TMOD2: variants seen among roughly 807,000 people sequenced by gnomAD.
The protein encoded by TMOD2 is tropomodulin-2.
In TMOD2, 22 loss-of-function variants were observed where a neutral mutation model predicts 39.9. The ratio of observed to expected loss-of-function variants is 0.55; its 90% CI spans 0.39 to 0.79. The LOEUF (loss-of-function observed/expected upper bound fraction) is 0.79, where lower values mean the gene tolerates loss of function less well. Among genes scored for constraint, TMOD2 ranks in the 30% least tolerant of loss-of-function variants. The pLI, the probability that TMOD2 is intolerant of heterozygous loss-of-function variation, is 0.00. For synonymous variants in TMOD2, 123 were observed against 146.1 expected, an observed-to-expected ratio of 0.84 and a Z score of 1.14; for missense variants, 386 against 413.3, an observed-to-expected ratio of 0.93 and a Z score of 0.57.
intron 3 of TMOD2, 50 bp from the exon 4 acceptor site, chr15:51,773,662 A>G (rs777456592): frequency 1.3e-6 from 2 of 1,548,840 alleles, no homozygotes; most frequent in Middle Eastern, 1.8e-4. Flanking sequence ...TACTTACCCT[A>G]CCAATAAGGC....
Position 51,776,879 on chromosome 15 carries a change from G to A in TMOD2, c.407-53G>A, listed in dbSNP as rs1477204556. The A allele has an allele frequency of 3.6e-6, 5 of 1,394,670 alleles. No homozygotes were observed. The East Asian group carries it at 1.1e-4, about 32-fold the overall frequency. 86.4% of individuals were successfully genotyped at this position (1,394,670 alleles called of 1,614,324 possible). On this transcript the variant is annotated intron_variant, in intron 4 of 9. Coordinates refer to ENST00000249700, the MANE Select transcript of TMOD2 (RefSeq NM_014548.4). Reference sequence around the variant, plus strand: ...CTTCAAGGGACAAATTAACAATGTGGACATCCTAATGTGCTTCTCCAAACT... The same window carrying A: ...CTTCAAGGGACAAATTAACAATGTGAACATCCTAATGTGCTTCTCCAAACT...
chr15:51,804,559 T>TGTTAG (rs1391812181), intron 8 of TMOD2, among the ~76,000 whole-genome samples: 11 of 149,404 alleles, frequency 7.4e-5, no homozygotes, highest in Admixed American at 6.0e-4. Flanking sequence ...CTGTACGTTT[T>TGTTAG]GTTTTGTTTT....
intron 6 of TMOD2, among the ~76,000 whole-genome samples, chr15:51,782,352 A>G (rs1289049345): frequency 6.6e-6 from 1 of 152,252 alleles, no homozygotes; most frequent in Non-Finnish European, 1.5e-5. Context: ...GGGAAAGCAT[A>G]TATAAAGGTC....
At chr15:51,781,015 A>AT (rs767494882) in intron 5 of TMOD2, 29 bp from the exon 6 acceptor site, 5 of 1,565,516 alleles carry the variant, frequency 3.2e-6, no homozygotes, top group Non-Finnish European at 4.3e-6. Context: ...GAGACTTTGC[A>AT]TTTTTTAAAA....
At position 51,781,066 on chromosome 15, in the gene TMOD2, A is replaced by G; in HGVS notation, c.516A>G (p.Val172=). The change falls in exon 6 of 10, where the codon GTA becomes GTG. Residue 172 remains valine, a synonymous_variant. Transcript: ENST00000249700. ...TAGATGTTGTCAAAGGTGAAAAAGT[A>G]AAGCCAGTATTTGAGGAACCACCAA... ...PVRNVVKGEK[V]KPVFEEPPNP... is the part of the protein sequence containing the mutation. 6 of 1,606,082 alleles carry G rather than the reference A, an allele frequency of 3.7e-6. No homozygotes were observed. Among genetic ancestry groups the G allele is most frequent in the Non-Finnish European group, 5.1e-6 (6 of 1,177,940 alleles).
intron 3 of TMOD2, among the ~76,000 whole-genome samples, chr15:51,772,614 T>C (rs2055860679): frequency 6.6e-6 from 1 of 152,218 alleles, no homozygotes. Flanking sequence ...TGGCAGAGGA[T>C]GCATCTGTGG....
chr15:51,795,488 G>A (rs1488713312), intron 7 of TMOD2, among the ~76,000 whole-genome samples: 1 of 150,752 alleles, frequency 6.6e-6, no homozygotes, highest in Non-Finnish European at 1.5e-5. Context: ...ATTTCCTTCA[G>A]ATAAAGATCC....
intron 1 of TMOD2, among the ~76,000 whole-genome samples, chr15:51,761,543 A>G (rs1436503067): frequency 6.6e-6 from 1 of 150,594 alleles, no homozygotes; most frequent in Admixed American, 6.7e-5. Flanking sequence ...CCTGGGCAAT[A>G]TAGTAAGACC....
intron 8 of TMOD2, among the ~76,000 whole-genome samples, chr15:51,804,853 G>A (rs931843915): frequency 6.6e-6 from 1 of 152,140 alleles, no homozygotes; most frequent in Non-Finnish European, 1.5e-5. Context: ...TTACAGGCAT[G>A]TGAGCCACTG....
At chr15:51,769,041 A>G (rs1340083098) in intron 3 of TMOD2, among the ~76,000 whole-genome samples, 2 of 152,250 alleles carry the variant, frequency 1.3e-5, no homozygotes, top group Non-Finnish European at 2.9e-5. Flanking sequence ...CATCAGTTGT[A>G]GTATAAGTAT....
chr15:51,810,498 A>G lies in TMOD2; in HGVS notation c.*2044A>G, dbSNP rs2056149084. 1 of 152,216 alleles carries G rather than the reference A, an allele frequency of 6.6e-6. No homozygotes were observed. Among genetic ancestry groups the G allele is most frequent in the Admixed American group, 6.5e-5 (1 of 15,276 alleles). The allele number at this position is 152,216 out of a possible 1,614,324, so 9.4% of individuals were successfully genotyped here. A position where few individuals can be genotyped will look rare whatever the true frequency, so the allele number is the denominator to read the frequency against. On this transcript the variant is annotated 3_prime_UTR_variant, in exon 10 of 10. Transcript: ENST00000249700. ...ACAGTGGCTTGAAATTGGCCATGGT[A>G]GAAATATTTACACCACAGAAATTAG... is the stretch of plus-strand genomic sequence containing the variant.
intron 5 of TMOD2, among the ~76,000 whole-genome samples, chr15:51,780,377 AT>A (rs1246549472): frequency 6.6e-6 from 1 of 152,106 alleles, no homozygotes; most frequent in Non-Finnish European, 1.5e-5. Context: ...TCATTTCTTT[AT>A]TTTGGAGCTT....
At chr15:51,761,117 T>C (rs892261499) in intron 1 of TMOD2, among the ~76,000 whole-genome samples, 5 of 152,136 alleles carry the variant, frequency 3.3e-5, no homozygotes, top group African/African-American at 9.7e-5. Flanking sequence ...GTTAGCAGTG[T>C]TGAGAAAAAT....
intron 1 of TMOD2, among the ~76,000 whole-genome samples, chr15:51,757,187 TGATCAGGAGCTCGA>T (rs1286445588): frequency 3.3e-5 from 5 of 152,080 alleles, no homozygotes; most frequent in Non-Finnish European, 5.9e-5. Flanking sequence ...GGATCACCTG[TGATCAGGAGCTCGA>T]GACCAGCCTG....
chr15:51,797,229 G>A (rs1175112290), intron 7 of TMOD2, among the ~76,000 whole-genome samples: 2 of 152,116 alleles, frequency 1.3e-5, no homozygotes, highest in African/African-American at 4.8e-5. Context: ...GTCTGGAGGC[G>A]CCTCTGTTTC....
chr15:51,767,865 T>G (rs1244409115), intron 2 of TMOD2, among the ~76,000 whole-genome samples: 1 of 152,266 alleles, frequency 6.6e-6, no homozygotes, highest in African/African-American at 2.4e-5. Flanking sequence ...GCTTTACTGC[T>G]TCTGCAGGAG....
At chr15:51,793,499 G>A (rs2056026831) in intron 7 of TMOD2, among the ~76,000 whole-genome samples, 1 of 152,116 alleles carries the variant, frequency 6.6e-6, no homozygotes, top group Non-Finnish European at 1.5e-5. Flanking sequence ...GCAGAAATTT[G>A]CATTTCCATA....
chr15:51,803,221 C>T (rs1314909971), intron 8 of TMOD2, among the ~76,000 whole-genome samples: 1 of 143,382 alleles, frequency 7.0e-6, no homozygotes, highest in Non-Finnish European at 1.5e-5. Flanking sequence ...ACTCCTGTCA[C>T]CCAGGCTGGA....
chr15:51,767,166 TAGACACATG>T (rs1184134893), intron 2 of TMOD2: 2 of 152,104 alleles, frequency 1.3e-5, no homozygotes, highest in African/African-American at 4.8e-5. Context: ...GCTGAAATTA[TAGACACATG>T]CCACCATGCC....
Sources: allele counts gnomAD v4.1 joint callset (sites outside exome capture counted in the v4.1 genomes callset), GRCh38; gene constraint gnomAD v4.1.1; transcripts MANE v1.5; gene names NCBI Gene and HGNC (gene_info 2026-07-23, HGNC 2026-07-21).